ARFIP1: variants seen among roughly 807,000 people sequenced by gnomAD.
The protein encoded by ARFIP1 is ARF interacting protein 1.
ARFIP1 carries 24 observed loss-of-function variants against 42.5 expected under a neutral mutation model. The observed-to-expected ratio is 0.57, with a 90% CI of 0.41 to 0.80. The LOEUF is 0.80. Ranked by LOEUF, ARFIP1 falls within the 30% of genes least tolerant of loss-of-function variation. The pLI, the probability that ARFIP1 is intolerant of heterozygous loss-of-function variation, is 0.00. For synonymous variants in ARFIP1, 141 were observed against 153.7 expected (o/e 0.92, Z 0.61); for missense variants, 354 against 434.0 (o/e 0.82, Z 1.64).
intron 1 of ARFIP1, among the ~76,000 whole-genome samples, chr4:152,794,769 C>T (rs1288763572): frequency 6.6e-6 from 1 of 152,034 alleles, no homozygotes; most frequent in Non-Finnish European, 1.5e-5. Context: ...GTCGCTTTTC[C>T]TCCATTTACT....
intron 4 of ARFIP1, among the ~76,000 whole-genome samples, chr4:152,871,220 T>G (rs2149883373): frequency 6.6e-6 from 1 of 152,310 alleles, no homozygotes; most frequent in East Asian, 1.9e-4. Flanking sequence ...CCTTCAACAA[T>G]TAGGTTGGTT....
intron 2 of ARFIP1, among the ~76,000 whole-genome samples, chr4:152,845,844 A>G (rs1383294776): frequency 6.6e-6 from 1 of 152,202 alleles, no homozygotes; most frequent in African/African-American, 2.4e-5. Context: ...ATGACTGGGT[A>G]TATATCCAAG....
intron 5 of ARFIP1, among the ~76,000 whole-genome samples, chr4:152,872,876 C>T (rs1433506241): frequency 6.6e-6 from 1 of 152,146 alleles, no homozygotes; most frequent in East Asian, 1.9e-4. Context: ...GCTCCTTCCC[C>T]TCCTTTTGAT....
At chr4:152,844,005 C>T (rs910232027) in intron 2 of ARFIP1, among the ~76,000 whole-genome samples, 1 of 152,320 alleles carries the variant, frequency 6.6e-6, no homozygotes, top group African/African-American at 2.4e-5. Context: ...GTTTTACCCC[C>T]TGCTCCTCTG....
chr4:152,784,986 C>T (rs1730713935), intron 1 of ARFIP1, among the ~76,000 whole-genome samples: 1 of 152,200 alleles, frequency 6.6e-6, no homozygotes. Context: ...AGCCCTAAAT[C>T]TTCCAGAGGA....
intron 1 of ARFIP1, among the ~76,000 whole-genome samples, chr4:152,787,806 A>G (rs941432454): frequency 6.6e-6 from 1 of 152,266 alleles, no homozygotes; most frequent in Non-Finnish European, 1.5e-5. Context: ...CATTATGCAT[A>G]TGGAAATATT....
At chr4:152,873,656 A>G (rs1735079493) in intron 5 of ARFIP1, among the ~76,000 whole-genome samples, 1 of 152,098 alleles carries the variant, frequency 6.6e-6, no homozygotes, top group African/African-American at 2.4e-5. Context: ...TGCCTTCTTA[A>G]TATTCTTTCA....
intron 2 of ARFIP1, among the ~76,000 whole-genome samples, chr4:152,849,933 GAGACTA>G (rs72031828): frequency 0.11 from 16,065 of 152,158 alleles, 868 homozygotes; most frequent in Middle Eastern, 0.16. Flanking sequence ...AATGAAATCT[GAGACTA>G]AGGTGTAGAT....
At chr4:152,826,812 T>C (rs1181940078) in intron 1 of ARFIP1, among the ~76,000 whole-genome samples, 2 of 152,160 alleles carry the variant, frequency 1.3e-5, no homozygotes, top group Non-Finnish European at 2.9e-5. Context: ...TGGATACATA[T>C]ATGTGGTATA....
At chr4:152,846,338 C>A (rs1732534499) in intron 2 of ARFIP1, among the ~76,000 whole-genome samples, 1 of 152,098 alleles carries the variant, frequency 6.6e-6, no homozygotes. Context: ...GCACATGTAA[C>A]CCCTGAATCT....
intron 1 of ARFIP1, among the ~76,000 whole-genome samples, chr4:152,806,689 A>G (rs1022022240): frequency 6.6e-6 from 1 of 152,060 alleles, no homozygotes; most frequent in Non-Finnish European, 1.5e-5. Context: ...GTTCTTCCCT[A>G]CATTACTTGT....
At chr4:152,822,431 C>T (rs1442700724) in intron 1 of ARFIP1, among the ~76,000 whole-genome samples, 2 of 151,838 alleles carry the variant, frequency 1.3e-5, no homozygotes, top group Non-Finnish European at 2.9e-5. Context: ...ACTGCTAGAC[C>T]TAAGAAAAGA....
At chr4:152,844,096 C>T (rs574329186) in intron 2 of ARFIP1, among the ~76,000 whole-genome samples, 26 of 152,244 alleles carry the variant, frequency 1.7e-4, no homozygotes, top group Non-Finnish European at 3.1e-4. Context: ...GGCCTTTCTG[C>T]TGCTTCGTGT....
chr4:152,840,512 T>G (rs1048212249), intron 2 of ARFIP1, among the ~76,000 whole-genome samples: 3 of 152,202 alleles, frequency 2.0e-5, no homozygotes, highest in Non-Finnish European at 2.9e-5. Context: ...TGTCCCTGTT[T>G]GTCTCTTTTA....
intron 1 of ARFIP1, among the ~76,000 whole-genome samples, chr4:152,780,655 A>C (rs1730432869): frequency 6.6e-6 from 1 of 152,074 alleles, no homozygotes; most frequent in Non-Finnish European, 1.5e-5. Context: ...GGAGATAGTG[A>C]CAGTCCCTCT....
At chr4:152,825,051 C>A (rs1047835228) in intron 1 of ARFIP1, among the ~76,000 whole-genome samples, 1 of 151,686 alleles carries the variant, frequency 6.6e-6, no homozygotes, top group African/African-American at 2.4e-5. Flanking sequence ...AGGAGAACTA[C>A]AAAACACTGC....
chr4:152,850,194 A>G (rs571659357), intron 2 of ARFIP1, among the ~76,000 whole-genome samples: 52 of 152,374 alleles, frequency 3.4e-4, no homozygotes, highest in Non-Finnish European at 6.8e-4. Flanking sequence ...ATTTTAAAAT[A>G]TAGCAACTTA....
At chr4:152,813,186 A>C (rs1168340101) in intron 1 of ARFIP1, among the ~76,000 whole-genome samples, 1 of 152,186 alleles carries the variant, frequency 6.6e-6, no homozygotes, top group Non-Finnish European at 1.5e-5. Flanking sequence ...TAGGTATTAC[A>C]GATAATCTAG....
chr4:152,824,849 A>G (rs1578876510), intron 1 of ARFIP1, among the ~76,000 whole-genome samples: 1 of 152,198 alleles, frequency 6.6e-6, no homozygotes, highest in South Asian at 2.1e-4. Flanking sequence ...AAGTCTCAGT[A>G]TACAAAATCA....
Sources: allele counts gnomAD v4.1 joint callset (sites outside exome capture counted in the v4.1 genomes callset), GRCh38; gene constraint gnomAD v4.1.1; transcripts MANE v1.5; gene names NCBI Gene and HGNC (gene_info 2026-07-23, HGNC 2026-07-21).